Variants in GABRB2 observed in about 807,000 individuals in gnomAD.
GABRB2 encodes the protein gamma-aminobutyric acid receptor subunit beta-2.
In GABRB2, 16 loss-of-function variants were observed where a neutral mutation model predicts 54.7. The ratio of observed to expected loss-of-function variants is 0.29; its 90% CI spans 0.20 to 0.44. The LOEUF (loss-of-function observed/expected upper bound fraction) is 0.44. Ranked by LOEUF, GABRB2 falls within the 20% of genes least tolerant of loss-of-function variation. The pLI is 1.00. For synonymous variants in GABRB2, 244 were observed against 233.8 expected, an observed-to-expected ratio of 1.04 and a Z score of -0.40; for missense variants, 355 against 644.0, an observed-to-expected ratio of 0.55 and a Z score of 4.86.
chr5:161,367,291 C>G (rs899670171), intron 5 of GABRB2, among the ~76,000 whole-genome samples: 8 of 152,144 alleles, frequency 5.3e-5, no homozygotes, highest in African/African-American at 1.9e-4. Flanking sequence ...CATTAAAATA[C>G]TACAACTTAA....
At position 161,333,301 on chromosome 5, in the gene GABRB2, C is replaced by A. The variant is rs188869566; in HGVS notation, c.832+1451G>T. Among the ~76,000 whole-genome samples, 1,098 of 152,274 alleles carry A rather than the reference C, an allele frequency of 7.2e-3. 52 individuals are homozygous for A. The highest frequency in any genetic ancestry group is 0.066 in the Admixed American group (1,015 of 15,288). On this transcript the variant is annotated intron_variant, in intron 7 of 9. Coordinates refer to ENST00000393959, the MANE Select transcript of GABRB2 (RefSeq NM_001371727.1). ...CTGCAGATATAAAACTAGATATGGACCTTTCCTCCATGGATCTTTCATTGC... is the reference window on the plus strand; with the variant it reads ...CTGCAGATATAAAACTAGATATGGAACTTTCCTCCATGGATCTTTCATTGC...
intron 3 of GABRB2, among the ~76,000 whole-genome samples, chr5:161,536,748 C>G (rs931009365): frequency 1.3e-5 from 2 of 152,160 alleles, no homozygotes; most frequent in African/African-American, 4.8e-5. Flanking sequence ...CAGGCATGCA[C>G]CACCACGCCC....
chr5:161,380,497 G>T (rs1755432275), intron 5 of GABRB2, among the ~76,000 whole-genome samples: 1 of 152,126 alleles, frequency 6.6e-6, no homozygotes, highest in African/African-American at 2.4e-5. Context: ...GCATTTGCAG[G>T]TAACAACTAC....
chr5:161,422,880 A>G (rs879223063), intron 4 of GABRB2, among the ~76,000 whole-genome samples: 2 of 152,212 alleles, frequency 1.3e-5, no homozygotes, highest in Non-Finnish European at 2.9e-5. Flanking sequence ...TCATCATTTA[A>G]TTACAGGTTT....
rs569586388 is a variant in GABRB2 at position 161,496,247 on chromosome 5, A to G, written c.238-36403T>C. 3.3e-5 allele frequency among the ~76,000 whole-genome samples: 5 copies of G among 152,248 alleles called. No individual in the cohort carries two copies. In the South Asian group the frequency reaches 8.3e-4, roughly 25 times the overall value. On this transcript the variant is annotated intron_variant, in intron 3 of 9. Coordinates refer to ENST00000393959, the MANE Select transcript of GABRB2 (RefSeq NM_001371727.1). ...CCTACCCATAAGATGTGATCATAAT[A>G]CCTCCTTAGAGGATTGTTAGGATTA...
chr5:161,479,958 A>G (rs1397382001), intron 3 of GABRB2, among the ~76,000 whole-genome samples: 8 of 152,100 alleles, frequency 5.3e-5, no homozygotes, highest in Admixed American at 4.6e-4. Context: ...CTTATACTAC[A>G]TGAGTATATG....
chr5:161,510,856 G>T (rs1360859895), intron 3 of GABRB2, among the ~76,000 whole-genome samples: 2 of 151,926 alleles, frequency 1.3e-5, no homozygotes, highest in Non-Finnish European at 2.9e-5. Context: ...TTCCCATGAG[G>T]ATTTGTATAT....
At chr5:161,537,293 A>T (rs1165052173) in intron 3 of GABRB2, among the ~76,000 whole-genome samples, 1 of 152,104 alleles carries the variant, frequency 6.6e-6, no homozygotes, top group Non-Finnish European at 1.5e-5. Flanking sequence ...AGCACCACTT[A>T]TATGCTGACA....
intron 5 of GABRB2, among the ~76,000 whole-genome samples, chr5:161,404,411 A>G (rs1756288209): frequency 6.6e-6 from 1 of 152,018 alleles, no homozygotes; most frequent in African/African-American, 2.4e-5. Flanking sequence ...GTATTTTTCT[A>G]ATTTAAAATA....
chr5:161,330,740 A>T, intron 8 of GABRB2, 143 bp downstream of exon 8: 1 of 1,166,286 alleles, frequency 8.6e-7, no homozygotes, highest in Non-Finnish European at 1.2e-6. Context: ...TTCCATCATT[A>T]ATTGTTTGTG....
chr5:161,379,232 T>C (rs1160088566), intron 5 of GABRB2, among the ~76,000 whole-genome samples: 1 of 152,158 alleles, frequency 6.6e-6, no homozygotes, highest in Non-Finnish European at 1.5e-5. Context: ...CTAAGCAATG[T>C]AAGACATATT....
At position 161,330,176 on chromosome 5, in the gene GABRB2, G is replaced by A. The variant is rs771276922; in HGVS notation, c.1077+707C>T. 9.9e-5 allele frequency: 15 copies of A among 152,232 alleles called. 1 individual carries two copies. Among genetic ancestry groups the A allele is most frequent in the African/African-American group, 3.4e-4 (14 of 41,538 alleles). 9.4% of individuals were successfully genotyped at this position (152,232 alleles called of 1,614,324 possible). A position where few individuals can be genotyped will look rare whatever the true frequency, so the allele number is the denominator to read the frequency against. On this transcript the variant is annotated intron_variant, in intron 8 of 9. Coordinates refer to ENST00000393959, the MANE Select transcript of GABRB2 (RefSeq NM_001371727.1). ...AAACTACTGACTTAACAAATAAACA[G>A]GGTTTATAGTTTTGTGGGAATCTTT...
intron 3 of GABRB2, among the ~76,000 whole-genome samples, chr5:161,476,099 A>T (rs1489775655): frequency 1.3e-5 from 2 of 152,028 alleles, no homozygotes; most frequent in Non-Finnish European, 2.9e-5. Context: ...AAGTTGCAGA[A>T]CACAAAGTCA....
intron 5 of GABRB2, among the ~76,000 whole-genome samples, chr5:161,374,761 A>C (rs1335822701): frequency 6.6e-6 from 1 of 152,132 alleles, no homozygotes; most frequent in East Asian, 1.9e-4. Context: ...GTTTCCCTAC[A>C]TGGTCTTACT....
chr5:161,417,076 T>A (rs113781829), intron 4 of GABRB2, among the ~76,000 whole-genome samples: 4 of 152,268 alleles, frequency 2.6e-5, no homozygotes, highest in African/African-American at 9.6e-5. Context: ...CCAACGTCAC[T>A]TCAAAAAATT....
At chr5:161,474,822 T>C (rs1200059218) in intron 3 of GABRB2, among the ~76,000 whole-genome samples, 2 of 151,986 alleles carry the variant, frequency 1.3e-5, no homozygotes, top group African/African-American at 4.8e-5. Flanking sequence ...CTCATAACTT[T>C]ACGGTATAGT....
intron 5 of GABRB2, among the ~76,000 whole-genome samples, chr5:161,387,786 TTAAA>T (rs1455773498): frequency 6.6e-6 from 1 of 152,206 alleles, no homozygotes; most frequent in South Asian, 2.1e-4. Context: ...AAAACTTAGC[TTAAA>T]TAAATAGTTA....
At position 161,334,198 on chromosome 5, in the gene GABRB2, G is replaced by A. The variant is rs180772619; in HGVS notation, c.832+554C>T. On this transcript the variant is annotated intron_variant, in intron 7 of 9. Coordinates refer to ENST00000393959, the MANE Select transcript of GABRB2 (RefSeq NM_001371727.1). ...TTTATCTGAAGTTAATAACAAAAAT[G>A]TTCATGAAATGTAATTTATTCTCCT... Among the ~76,000 whole-genome samples the A allele has an allele frequency of 2.4e-4, 37 of 152,178 alleles. No homozygotes were observed. In the East Asian group the frequency reaches 5.4e-3, roughly 22 times the overall value.
At chr5:161,518,096 C>T (rs1052432136) in intron 3 of GABRB2, among the ~76,000 whole-genome samples, 1 of 152,190 alleles carries the variant, frequency 6.6e-6, no homozygotes, top group East Asian at 1.9e-4. Flanking sequence ...GTGTGAGCCA[C>T]TGCACCTGGC....
Sources: gnomAD v4.1 joint callset for allele counts (sites outside exome capture counted in the v4.1 genomes callset) on GRCh38, gnomAD v4.1.1 for gene constraint, MANE v1.5 for transcripts, NCBI Gene and HGNC (gene_info 2026-07-23, HGNC 2026-07-21) for gene names.